Variants in LRBA observed in about 807,000 individuals in gnomAD.
LRBA encodes LPS responsive beige-like anchor protein.
In LRBA, 176 loss-of-function variants were observed where a neutral mutation model predicts 330.0. The observed-to-expected ratio is 0.53, with a 90% CI of 0.47 to 0.60. The LOEUF (loss-of-function observed/expected upper bound fraction) is 0.60, where lower values mean the gene tolerates loss of function less well. LRBA is among the 20% of genes least tolerant of loss of function. The pLI is 0.00. For synonymous variants in LRBA, 1,230 were observed against 1,193.0 expected, an observed-to-expected ratio of 1.03 and a Z score of -0.64; for missense variants, 3,259 against 3,444.8, an observed-to-expected ratio of 0.95 and a Z score of 1.35.
At chr4:150,523,602 TTA>T (rs781589895) in intron 40 of LRBA, among the ~76,000 whole-genome samples, 1 of 152,126 alleles carries the variant, frequency 6.6e-6, no homozygotes, top group Admixed American at 6.5e-5. Flanking sequence ...CTATGAGGAA[TTA>T]TATGAGATCC....
intron 46 of LRBA, among the ~76,000 whole-genome samples, chr4:150,421,626 A>G (rs138116711): frequency 2.3e-4 from 35 of 152,234 alleles, no homozygotes; most frequent in African/African-American, 7.7e-4. Context: ...CCTGTTGCCA[A>G]CAACTTGAAG....
chr4:150,928,702 G>T, intron 3 of LRBA, 86 bp from the exon 4 acceptor site: 3 of 1,281,694 alleles, frequency 2.3e-6, no homozygotes, highest in Non-Finnish European at 3.3e-6. Context: ...TAAGGGCTTG[G>T]ACACTAAAGT....
intron 2 of LRBA, among the ~76,000 whole-genome samples, chr4:150,964,035 A>G (rs1275675963): frequency 8.1e-6 from 1 of 123,492 alleles, no homozygotes; most frequent in East Asian, 2.5e-4. Flanking sequence ...CGGCCGCCCC[A>G]TCTGAGAAGT....
intron 47 of LRBA, among the ~76,000 whole-genome samples, chr4:150,405,309 T>G (rs1746033689): frequency 6.6e-6 from 1 of 152,232 alleles, no homozygotes. Context: ...CTATTTAAGA[T>G]TTAATTTCAG....
At chr4:150,703,166 GA>G (rs925868366) in intron 36 of LRBA, among the ~76,000 whole-genome samples, 31 of 150,614 alleles carry the variant, frequency 2.1e-4, no homozygotes, top group Non-Finnish European at 3.1e-4. Flanking sequence ...GTCTCCAAAA[GA>G]AAAAAAAAGT....
chr4:150,615,082 CTT>C lies in LRBA; in HGVS notation c.5922-15953_5922-15952del, dbSNP rs897084959. Among the ~76,000 whole-genome samples, 13 of 152,182 alleles carry C rather than the reference CTT, an allele frequency of 8.5e-5. 1 individual carries two copies. The highest frequency in any genetic ancestry group is 2.4e-4 in the African/African-American group (10 of 41,440). ...GTGAAGGTGTCAGTTATGCAGATAT[CTT>C]AAAGCAAAAGGATTTCCGGCAGGGA... On this transcript the variant is annotated intron_variant, in intron 37 of 56. Transcript: ENST00000651943.
chr4:150,457,383 T>C lies in LRBA; in HGVS notation c.6780+10290A>G, dbSNP rs537694085. Among the ~76,000 whole-genome samples, 5 of 152,136 alleles carry C rather than the reference T, an allele frequency of 3.3e-5. No homozygotes were observed. The South Asian group carries it at 1.0e-3, about 31-fold the overall frequency. ...GTTTCTGGAAGAGTCCTCAGAATAG[T>C]GTAGACAAAAGATGCCCAGCAAATA... On this transcript the variant is annotated intron_variant, in intron 44 of 56. Coordinates refer to ENST00000651943, the MANE Select transcript of LRBA (RefSeq NM_001364905.1).
chr4:150,759,927 A>C (rs935707471), intron 35 of LRBA, among the ~76,000 whole-genome samples: 1 of 152,194 alleles, frequency 6.6e-6, no homozygotes, highest in African/African-American at 2.4e-5. Flanking sequence ...TGCCTCATCT[A>C]TTAAATGTAA....
At chr4:150,506,047 T>C (rs1260900516) in intron 40 of LRBA, among the ~76,000 whole-genome samples, 7 of 152,206 alleles carry the variant, frequency 4.6e-5, no homozygotes, top group Non-Finnish European at 8.8e-5. Flanking sequence ...AATCTCTGAA[T>C]AGACCAATAA....
intron 40 of LRBA, among the ~76,000 whole-genome samples, chr4:150,516,247 A>G (rs1465733676): frequency 1.6e-5 from 1 of 62,506 alleles, no homozygotes; most frequent in Admixed American, 2.1e-4. Context: ...TTTTTTTGCT[A>G]AGTACCTGTT....
At chr4:150,917,254 C>T (rs998793047) in intron 5 of LRBA, among the ~76,000 whole-genome samples, 1 of 151,420 alleles carries the variant, frequency 6.6e-6, no homozygotes, top group East Asian at 1.9e-4. Flanking sequence ...TTCCCTAATA[C>T]ATAGTAATGT....
chr4:150,699,598 A>T (rs2126989588), intron 36 of LRBA, among the ~76,000 whole-genome samples: 1 of 152,304 alleles, frequency 6.6e-6, no homozygotes, highest in South Asian at 2.1e-4. Flanking sequence ...GAAGAAAAAA[A>T]TAGCTGTTAT....
At chr4:150,675,644 G>C (rs567732795) in intron 37 of LRBA, among the ~76,000 whole-genome samples, 1 of 152,208 alleles carries the variant, frequency 6.6e-6, no homozygotes, top group African/African-American at 2.4e-5. Context: ...CCTGAACCCG[G>C]GAAGTGGAGC....
rs1430206526 is a variant in LRBA at position 150,963,202 on chromosome 4, G to A, written c.217-34137C>T. On this transcript the variant is annotated intron_variant, in intron 2 of 56. Coordinates refer to ENST00000651943, the MANE Select transcript of LRBA (RefSeq NM_001364905.1). ...TCCCCCTCCCCTTTGCACGGTCCTC[G>A]TCTCCCCTTTGCACGGTCTCCCTCT... is the stretch of plus-strand genomic sequence containing the variant. Among the ~76,000 whole-genome samples the A allele has an allele frequency of 2.7e-5, 4 of 145,580 alleles. 1 individual carries two copies. Among genetic ancestry groups the A allele is most frequent in the African/African-American group, 8.2e-5 (3 of 36,414 alleles).
At chr4:150,593,343 C>G (rs1773121171) in intron 38 of LRBA, among the ~76,000 whole-genome samples, 1 of 152,086 alleles carries the variant, frequency 6.6e-6, no homozygotes, top group Non-Finnish European at 1.5e-5. Context: ...AAATACTTTA[C>G]ATAGTTAATT....
At chr4:150,693,332 G>A (rs528347902) in intron 36 of LRBA, among the ~76,000 whole-genome samples, 3 of 152,126 alleles carry the variant, frequency 2.0e-5, no homozygotes, top group East Asian at 1.9e-4. Context: ...GGGAGGCCGA[G>A]GTGGGCGGAT....
At chr4:150,608,434 G>T (rs2126561532) in intron 37 of LRBA, among the ~76,000 whole-genome samples, 1 of 152,268 alleles carries the variant, frequency 6.6e-6, no homozygotes, top group Admixed American at 6.5e-5. Flanking sequence ...CAGTCAATAA[G>T]ATAATGGGAG....
In LRBA at chr4:150,478,351, T is replaced by C. The variant is rs1174450513; in HGVS notation, c.6552-6612A>G. Among the ~76,000 whole-genome samples, 5 of 152,196 alleles carry C rather than the reference T, an allele frequency of 3.3e-5. No individual in the cohort carries two copies. In the East Asian group the frequency reaches 9.6e-4, roughly 29 times the overall value. ...CACCTCCTCCACACAACCCCAGCCA[T>C]GGGGATGGAAGGATGTTTATACAAA... On this transcript the variant is annotated intron_variant, in intron 42 of 56. Coordinates refer to ENST00000651943, the MANE Select transcript of LRBA (RefSeq NM_001364905.1).
At chr4:150,587,817 A>G (rs1021790231) in intron 40 of LRBA, among the ~76,000 whole-genome samples, 1 of 152,162 alleles carries the variant, frequency 6.6e-6, no homozygotes, top group African/African-American at 2.4e-5. Flanking sequence ...CCTCACAAAG[A>G]GCTAATGATA....
Sources: gnomAD v4.1 joint callset for allele counts (sites outside exome capture counted in the v4.1 genomes callset) on GRCh38, gnomAD v4.1.1 for gene constraint, MANE v1.5 for transcripts, NCBI Gene and HGNC (gene_info 2026-07-23, HGNC 2026-07-21) for gene names.